Variants in SGCD observed in about 807,000 individuals in gnomAD.
SGCD encodes the protein sarcoglycan delta.
Under a neutral mutation model 36.6 loss-of-function variants are expected in SGCD, and 18 were observed. The observed-to-expected ratio is 0.49, with a 90% CI of 0.34 to 0.73. SGCD has a LOEUF of 0.73. Among genes scored for constraint, SGCD ranks in the 30% least tolerant of loss-of-function variants. The pLI is 0.01. For synonymous variants in SGCD, 133 were observed against 130.6 expected (o/e 1.02, Z -0.12); for missense variants, 387 against 346.7 (o/e 1.12, Z -0.92).
chr5:155,965,373 T>C (rs192443195), intron 1 of SGCD, among the ~76,000 whole-genome samples: 13 of 152,226 alleles, frequency 8.5e-5, no homozygotes, highest in Non-Finnish European at 4.4e-5. Context: ...CCAGCTCCTT[T>C]CTAAGTATTG....
the SGCD span, among the ~76,000 whole-genome samples, chr5:155,747,481 A>G: frequency 6.6e-6 from 1 of 152,224 alleles, no homozygotes; most frequent in Non-Finnish European, 1.5e-5. Context: ...TTGTGATGAT[A>G]GCTGCAGAAC....
At chr5:155,980,885 GA>G (rs1758214877) in intron 1 of SGCD, among the ~76,000 whole-genome samples, 1 of 146,220 alleles carries the variant, frequency 6.8e-6, no homozygotes, top group Non-Finnish European at 1.5e-5. Flanking sequence ...TTTAAGCCAA[GA>G]AAGAAGAATT....
At chr5:156,210,571 A>G (rs2127640657) in intron 3 of SGCD, among the ~76,000 whole-genome samples, 1 of 151,998 alleles carries the variant, frequency 6.6e-6, no homozygotes, top group East Asian at 1.9e-4. Flanking sequence ...TGAAATCAAG[A>G]AAAGAATAAA....
chr5:156,566,973 C>G (rs1226486549), intron 4 of SGCD, among the ~76,000 whole-genome samples: 1 of 152,112 alleles, frequency 6.6e-6, no homozygotes, highest in Non-Finnish European at 1.5e-5. Context: ...CTCATTGCAT[C>G]CTTTGAACAG....
At chr5:155,819,725 A>G in the SGCD span, among the ~76,000 whole-genome samples, 1 of 152,164 alleles carries the variant, frequency 6.6e-6, no homozygotes, top group Non-Finnish European at 1.5e-5. Context: ...CTTTTTCTGA[A>G]GGGTCTCCGG....
At chr5:156,423,890 G>A (rs1205322081) in intron 3 of SGCD, among the ~76,000 whole-genome samples, 1 of 151,872 alleles carries the variant, frequency 6.6e-6, no homozygotes, top group Non-Finnish European at 1.5e-5. Context: ...TAAGTACCTG[G>A]TACATTAGTC....
At chr5:156,193,431 T>C (rs1339403495) in intron 3 of SGCD, among the ~76,000 whole-genome samples, 1 of 152,218 alleles carries the variant, frequency 6.6e-6, no homozygotes, top group African/African-American at 2.4e-5. Context: ...AGCTAGTTTA[T>C]GTATCTTCAG....
intron 3 of SGCD, among the ~76,000 whole-genome samples, chr5:156,472,912 AC>A (rs1178103361): frequency 6.6e-6 from 1 of 152,210 alleles, no homozygotes; most frequent in Non-Finnish European, 1.5e-5. Flanking sequence ...TTGGAAAGTG[AC>A]AATATTAGTT....
chr5:156,303,639 T>G (rs183568159), intron 3 of SGCD, among the ~76,000 whole-genome samples: 14 of 151,646 alleles, frequency 9.2e-5, no homozygotes, highest in Admixed American at 8.5e-4. Flanking sequence ...CCACTGAGGT[T>G]CATTCATGGC....
chr5:156,257,952 T>C (rs1212389431), intron 3 of SGCD, among the ~76,000 whole-genome samples: 1 of 152,232 alleles, frequency 6.6e-6, no homozygotes, highest in Non-Finnish European at 1.5e-5. Context: ...TAAGTATTCA[T>C]CTTTTGAATA....
intron 3 of SGCD, among the ~76,000 whole-genome samples, chr5:156,357,288 A>G (rs1414128022): frequency 6.6e-6 from 1 of 152,226 alleles, no homozygotes; most frequent in Non-Finnish European, 1.5e-5. Flanking sequence ...GAAGCATAGA[A>G]GGCTTAATTC....
chr5:155,888,301 G>A (rs558897531), intron 1 of SGCD, among the ~76,000 whole-genome samples: 4 of 152,096 alleles, frequency 2.6e-5, no homozygotes, highest in Non-Finnish European at 4.4e-5. Flanking sequence ...CTTCATTTCC[G>A]AAATGTATTG....
chr5:156,409,902 C>T (rs2127768743), intron 3 of SGCD, among the ~76,000 whole-genome samples: 1 of 152,232 alleles, frequency 6.6e-6, no homozygotes, highest in East Asian at 1.9e-4. Context: ...TTCCTCCAGT[C>T]TTCTCCATCC....
At chr5:156,508,817 T>C in intron 4 of SGCD, 115 bp downstream of exon 4, 2 of 573,188 alleles carry the variant, frequency 3.5e-6, no homozygotes, top group Admixed American at 3.3e-5. Context: ...AATACTGGTA[T>C]TAAGATGAAT....
At chr5:155,950,763 G>C (rs1757532853) in intron 1 of SGCD, among the ~76,000 whole-genome samples, 1 of 152,044 alleles carries the variant, frequency 6.6e-6, no homozygotes, top group Non-Finnish European at 1.5e-5. Flanking sequence ...CTTGAATTAT[G>C]CCAAGCTGTA....
chr5:156,345,145 C>G lies in SGCD; in HGVS notation c.192+468C>G, dbSNP rs76238074. On this transcript the variant is annotated intron_variant, in intron 3 of 8. Coordinates refer to ENST00000337851, the MANE Select transcript of SGCD (RefSeq NM_000337.6). ...TATTTATGCTTGATTATCCATCACT[C>G]TGGTTAGTTAAGAATATCCTGGGTT... Among the ~76,000 whole-genome samples, 1,243 of 152,234 alleles carry G rather than the reference C, an allele frequency of 8.2e-3. 16 individuals are homozygous for G. Among genetic ancestry groups the G allele is most frequent in the African/African-American group, 0.028 (1,179 of 41,548 alleles).
At chr5:156,543,360 G>T (rs1021274160) in intron 4 of SGCD, among the ~76,000 whole-genome samples, 2 of 152,196 alleles carry the variant, frequency 1.3e-5, no homozygotes, top group Admixed American at 6.5e-5. Flanking sequence ...TCTAACAGGT[G>T]CTTGCTAAGT....
At chr5:155,879,651 T>C (rs1755839675) in intron 1 of SGCD, among the ~76,000 whole-genome samples, 1 of 152,096 alleles carries the variant, frequency 6.6e-6, no homozygotes, top group Admixed American at 6.6e-5. Context: ...AAAGGCATTG[T>C]TTTTCCTCTC....
At chr5:156,585,372 T>A (rs1440427262) in intron 4 of SGCD, among the ~76,000 whole-genome samples, 1 of 152,218 alleles carries the variant, frequency 6.6e-6, no homozygotes, top group Non-Finnish European at 1.5e-5. Context: ...AAAATAATAA[T>A]GTTAATAATA....
Sources: gnomAD v4.1 joint callset for allele counts (sites outside exome capture counted in the v4.1 genomes callset) on GRCh38, gnomAD v4.1.1 for gene constraint, MANE v1.5 for transcripts, NCBI Gene and HGNC (gene_info 2026-07-23, HGNC 2026-07-21) for gene names.